AUTS2: variants seen among roughly 807,000 people sequenced by gnomAD.
AUTS2 encodes autism susceptibility gene 2 protein.
In AUTS2, 17 loss-of-function variants were observed where a neutral mutation model predicts 112.4. That is an observed-to-expected ratio of 0.15 (90% CI 0.10 to 0.23). AUTS2 has a LOEUF of 0.23. Ranked by LOEUF, AUTS2 falls within the 10% of genes least tolerant of loss-of-function variation. AUTS2 has a pLI of 1.00. For missense variants in AUTS2, 1,510 were observed against 1,701.6 expected (o/e 0.89, Z 1.98); for synonymous variants, 751 against 702.7 (o/e 1.07, Z -1.09).
At chr7:70,643,916 C>T (rs1314321966) in intron 5 of AUTS2, among the ~76,000 whole-genome samples, 1 of 152,162 alleles carries the variant, frequency 6.6e-6, no homozygotes, top group Non-Finnish European at 1.5e-5. Flanking sequence ...CCATCCCTCC[C>T]TTTCCACCAA....
chr7:70,029,035 A>G lies in AUTS2; in HGVS notation c.523-89097A>G, dbSNP rs146398549. 1.2e-3 allele frequency among the ~76,000 whole-genome samples: 190 copies of G among 152,224 alleles called. 1 individual carries two copies. The East Asian group carries it at 0.013, about 10-fold the overall frequency. ...AGTGCCCTTTAGCTGTGTAGCAGAGAATAGGACAGGAGTGCACACTCTGGG... is the reference window on the plus strand; with the variant it reads ...AGTGCCCTTTAGCTGTGTAGCAGAGGATAGGACAGGAGTGCACACTCTGGG... On this transcript the variant is annotated intron_variant, in intron 2 of 18. Transcript: ENST00000342771.
At chr7:69,805,572 G>A (rs943666696) in intron 1 of AUTS2, among the ~76,000 whole-genome samples, 3 of 152,126 alleles carry the variant, frequency 2.0e-5, no homozygotes, top group Non-Finnish European at 2.9e-5. Flanking sequence ...AAGGAAAAAA[G>A]AATAGGAAAA....
intron 4 of AUTS2, among the ~76,000 whole-genome samples, chr7:70,331,516 A>ATTTT (rs372805565): frequency 5.0e-5 from 7 of 140,782 alleles, no homozygotes; most frequent in East Asian, 4.1e-4. Context: ...GGACTCATTG[A>ATTTT]TTTTTTTTTT....
intron 4 of AUTS2, among the ~76,000 whole-genome samples, chr7:70,338,618 G>A (rs1791103185): frequency 6.6e-6 from 1 of 152,098 alleles, no homozygotes; most frequent in South Asian, 2.1e-4. Context: ...ACAACCAAGA[G>A]AAATTGCAAT....
intron 2 of AUTS2, among the ~76,000 whole-genome samples, chr7:70,007,573 G>A (rs1014389046): frequency 3.3e-5 from 5 of 152,080 alleles, no homozygotes; most frequent in African/African-American, 7.2e-5. Flanking sequence ...ACTATGGTAC[G>A]TGCTTTACAT....
chr7:70,165,062 A>G lies in AUTS2; in HGVS notation c.660+30491A>G, dbSNP rs1289475270. Among the ~76,000 whole-genome samples, 3 of 152,188 alleles carry G rather than the reference A, an allele frequency of 2.0e-5. 1 individual carries two copies. The highest frequency in any genetic ancestry group is 4.1e-4 in the South Asian group (2 of 4,830). On this transcript the variant is annotated intron_variant, in intron 4 of 18. Transcript: ENST00000342771. ...AAAAATGCTAGAAATGAAAAACACAATATCATATATGAAAAAATTTTCTGT... is the reference window on the plus strand; with the variant it reads ...AAAAATGCTAGAAATGAAAAACACAGTATCATATATGAAAAAATTTTCTGT...
At chr7:69,838,805 T>C (rs1227321575) in intron 1 of AUTS2, among the ~76,000 whole-genome samples, 2 of 152,220 alleles carry the variant, frequency 1.3e-5, no homozygotes, top group Non-Finnish European at 2.9e-5. Context: ...CAGCCCTTGC[T>C]GTGGCTTCTG....
chr7:70,654,348 C>A (rs1806660380), intron 5 of AUTS2, among the ~76,000 whole-genome samples: 1 of 152,016 alleles, frequency 6.6e-6, no homozygotes, highest in African/African-American at 2.4e-5. Context: ...TATTGTAATG[C>A]AAAAAAGCTA....
intron 5 of AUTS2, among the ~76,000 whole-genome samples, chr7:70,575,518 T>A (rs765902409): frequency 6.6e-6 from 1 of 151,970 alleles, no homozygotes; most frequent in Non-Finnish European, 1.5e-5. Flanking sequence ...TCAAATAACC[T>A]TAAAGCATGC....
At chr7:70,191,599 C>T (rs1395588897) in intron 4 of AUTS2, among the ~76,000 whole-genome samples, 1 of 152,182 alleles carries the variant, frequency 6.6e-6, no homozygotes, top group African/African-American at 2.4e-5. Context: ...CATAAAGTGA[C>T]TTGCTTTATC....
intron 5 of AUTS2, among the ~76,000 whole-genome samples, chr7:70,495,142 AG>A (rs1798400629): frequency 6.6e-6 from 1 of 151,788 alleles, no homozygotes. Flanking sequence ...TAGTAACAAA[AG>A]TCTCTCAGTT....
chr7:70,358,761 A>C (rs565975158), intron 4 of AUTS2, among the ~76,000 whole-genome samples: 1 of 152,222 alleles, frequency 6.6e-6, no homozygotes, highest in Non-Finnish European at 1.5e-5. Flanking sequence ...CCCCTTATGC[A>C]TGGTCTCAAG....
chr7:70,739,533 T>C (rs1274021898), intron 6 of AUTS2, among the ~76,000 whole-genome samples: 1 of 151,918 alleles, frequency 6.6e-6, no homozygotes, highest in Non-Finnish European at 1.5e-5. Context: ...GTTATGATGT[T>C]AGTAGTGTGT....
intron 2 of AUTS2, among the ~76,000 whole-genome samples, chr7:69,947,538 A>G (rs1283109064): frequency 1.3e-5 from 2 of 152,170 alleles, no homozygotes; most frequent in South Asian, 2.1e-4. Context: ...TAAAAGTAGT[A>G]TGTCTAAGTT....
intron 4 of AUTS2, among the ~76,000 whole-genome samples, chr7:70,394,482 T>C (rs1306678284): frequency 6.6e-6 from 1 of 152,232 alleles, no homozygotes; most frequent in Admixed American, 6.5e-5. Flanking sequence ...TTGCCAACCA[T>C]AGTCCTAAAT....
intron 2 of AUTS2, among the ~76,000 whole-genome samples, chr7:70,057,109 G>A (rs906990183): frequency 1.3e-5 from 2 of 152,160 alleles, no homozygotes; most frequent in African/African-American, 4.8e-5. Context: ...TCTTTGGGCT[G>A]ATATTGTGGC....
At chr7:70,736,153 TAAA>T (rs201432332) in intron 6 of AUTS2, among the ~76,000 whole-genome samples, 1 of 151,760 alleles carries the variant, frequency 6.6e-6, no homozygotes, top group Non-Finnish European at 1.5e-5. Flanking sequence ...TAATATATGA[TAAA>T]AAAGCCTTCA....
At chr7:70,106,225 G>A (rs948205186) in intron 2 of AUTS2, among the ~76,000 whole-genome samples, 1 of 152,152 alleles carries the variant, frequency 6.6e-6, no homozygotes, top group Non-Finnish European at 1.5e-5. Flanking sequence ...TCTAATTCAG[G>A]TTCCTCAGAG....
intron 1 of AUTS2, among the ~76,000 whole-genome samples, chr7:69,632,786 T>G (rs1199589517): frequency 6.6e-6 from 1 of 152,154 alleles, no homozygotes; most frequent in East Asian, 1.9e-4. Flanking sequence ...AACACTAAGT[T>G]TTCATTTGGA....
Sources: allele counts gnomAD v4.1 joint callset (sites outside exome capture counted in the v4.1 genomes callset), GRCh38; gene constraint gnomAD v4.1.1; transcripts MANE v1.5; gene names NCBI Gene and HGNC (gene_info 2026-07-23, HGNC 2026-07-21).